Variants in SHANK2 observed in about 807,000 individuals in gnomAD.
SHANK2 encodes SH3 and multiple ankyrin repeat domains protein 2.
In SHANK2, 43 loss-of-function variants were observed where a neutral mutation model predicts 133.7. The ratio of observed to expected loss-of-function variants is 0.32; its 90% CI spans 0.25 to 0.41. The LOEUF (loss-of-function observed/expected upper bound fraction) is 0.41. Among genes scored for constraint, SHANK2 ranks in the 10% least tolerant of loss-of-function variants. The pLI, the probability that SHANK2 is intolerant of heterozygous loss-of-function variation, is 1.00. For synonymous variants in SHANK2, 1,017 were observed against 952.8 expected (o/e 1.07, Z -1.24); for missense variants, 1,994 against 2,235.8 (o/e 0.89, Z 2.18).
At chr11:71,196,669 G>A (rs1043719248) in intron 2 of SHANK2, among the ~76,000 whole-genome samples, 4 of 151,776 alleles carry the variant, frequency 2.6e-5, no homozygotes, top group Non-Finnish European at 5.9e-5. Context: ...ACAAACCAGG[G>A]GTCTCCCTGC....
At chr11:71,112,158 C>G (rs150926822) in intron 5 of SHANK2, among the ~76,000 whole-genome samples, 1,624 of 152,298 alleles carry the variant, frequency 0.011, 30 homozygotes, top group African/African-American at 0.037. Flanking sequence ...CTTTGGGAGG[C>G]CGAGGCGGAT....
intron 14 of SHANK2, among the ~76,000 whole-genome samples, chr11:70,701,056 G>C (rs1945507044): frequency 6.6e-6 from 1 of 152,206 alleles, no homozygotes; most frequent in South Asian, 2.1e-4. Flanking sequence ...TGGCTGTCTA[G>C]GGAACTGCTG....
chr11:70,560,774 G>A (rs1554980676), intron 17 of SHANK2, among the ~76,000 whole-genome samples: 2 of 151,972 alleles, frequency 1.3e-5, no homozygotes, highest in Admixed American at 1.3e-4. Context: ...TGGGATTACA[G>A]GCACCCACCA....
chr11:70,675,642 G>A (rs1280641174), intron 15 of SHANK2, among the ~76,000 whole-genome samples: 2 of 152,232 alleles, frequency 1.3e-5, no homozygotes, highest in African/African-American at 4.8e-5. Flanking sequence ...AGAAAGAACT[G>A]GAGAAGGAAT....
intron 6 of SHANK2, among the ~76,000 whole-genome samples, chr11:71,098,187 G>A (rs1323020388): frequency 6.8e-6 from 1 of 146,634 alleles, no homozygotes; most frequent in East Asian, 2.0e-4. Flanking sequence ...GCATGCCTGT[G>A]TGTATGTGTA....
At chr11:70,737,316 C>T (rs146164707) in intron 14 of SHANK2, among the ~76,000 whole-genome samples, 147 of 152,326 alleles carry the variant, frequency 9.7e-4, no homozygotes, top group South Asian at 2.1e-3. Flanking sequence ...GCCTGATCTG[C>T]CTGCCAGCTT....
At chr11:71,071,424 C>G (rs1433538777) in intron 9 of SHANK2, among the ~76,000 whole-genome samples, 6 of 152,210 alleles carry the variant, frequency 3.9e-5, no homozygotes, top group African/African-American at 1.4e-4. Context: ...TGAAAGATGG[C>G]GGCTTATGCC....
At chr11:70,852,105 C>T (rs1190221753) in intron 11 of SHANK2, among the ~76,000 whole-genome samples, 5 of 152,186 alleles carry the variant, frequency 3.3e-5, no homozygotes, top group Admixed American at 6.5e-5. Flanking sequence ...CCCTGGCCGC[C>T]GGGGAGGAGC....
At chr11:70,689,801 A>G (rs1184287815) in intron 15 of SHANK2, among the ~76,000 whole-genome samples, 1 of 152,228 alleles carries the variant, frequency 6.6e-6, no homozygotes, top group Non-Finnish European at 1.5e-5. Flanking sequence ...AATCCGAGAG[A>G]ACTGAAAAGA....
intron 17 of SHANK2, among the ~76,000 whole-genome samples, chr11:70,657,889 C>A (rs2061422929): frequency 6.6e-6 from 1 of 152,134 alleles, no homozygotes; most frequent in Non-Finnish European, 1.5e-5. Flanking sequence ...CTTCTCAGCC[C>A]CACCCAGGTG....
intron 14 of SHANK2, among the ~76,000 whole-genome samples, chr11:70,745,802 A>G (rs943279714): frequency 6.6e-6 from 1 of 152,304 alleles, no homozygotes; most frequent in East Asian, 1.9e-4. Flanking sequence ...CTTGGTGGGA[A>G]ACGCATTGCT....
At chr11:70,917,824 G>A (rs1426505423) in intron 10 of SHANK2, among the ~76,000 whole-genome samples, 1 of 152,156 alleles carries the variant, frequency 6.6e-6, no homozygotes, top group Non-Finnish European at 1.5e-5. Flanking sequence ...TGGACACATA[G>A]AGAAAAACAA....
chr11:71,218,901 C>T (rs2135720564), intron 2 of SHANK2, among the ~76,000 whole-genome samples: 2 of 152,276 alleles, frequency 1.3e-5, no homozygotes, highest in East Asian at 1.9e-4. Flanking sequence ...CTTCTGCAGC[C>T]CCCAGCAGGA....
intron 14 of SHANK2, among the ~76,000 whole-genome samples, chr11:70,764,528 C>T (rs959217220): frequency 6.8e-6 from 1 of 146,368 alleles, no homozygotes; most frequent in East Asian, 2.3e-4. Flanking sequence ...TATCCATTCA[C>T]CCACCCATCC....
intron 11 of SHANK2, among the ~76,000 whole-genome samples, chr11:70,847,151 C>T (rs1194341442): frequency 6.6e-6 from 1 of 152,204 alleles, no homozygotes; most frequent in African/African-American, 2.4e-5. Flanking sequence ...CTGCGACCCA[C>T]ACCCCAGTAC....
chr11:70,567,219 C>T (rs2059978980), intron 17 of SHANK2, among the ~76,000 whole-genome samples: 1 of 152,174 alleles, frequency 6.6e-6, no homozygotes, highest in Non-Finnish European at 1.5e-5. Flanking sequence ...GAAGACCTAA[C>T]CTCCGGTACT....
At chr11:70,645,111 T>G (rs1332641166) in intron 17 of SHANK2, among the ~76,000 whole-genome samples, 1 of 152,154 alleles carries the variant, frequency 6.6e-6, no homozygotes, top group Non-Finnish European at 1.5e-5. Context: ...CTTAGGAGGC[T>G]GAGGCAGGAG....
At chr11:71,118,177 C>T (rs35746200) in intron 4 of SHANK2, among the ~76,000 whole-genome samples, 37 of 152,118 alleles carry the variant, frequency 2.4e-4, no homozygotes, top group Admixed American at 2.2e-3. Flanking sequence ...ATCAGACCCA[C>T]GGTTTATTAT....
chr11:70,468,535 T>G lies in SHANK2; in HGVS notation c.*4334A>C, dbSNP rs2058560554. 1 of 152,214 alleles carries G rather than the reference T, an allele frequency of 6.6e-6. No individual in the cohort carries two copies. Among genetic ancestry groups the G allele is most frequent in the Admixed American group, 6.5e-5 (1 of 15,280 alleles). 9.4% of individuals were successfully genotyped at this position (152,214 alleles called of 1,614,324 possible). A position where few individuals can be genotyped will look rare whatever the true frequency, so the allele number is the denominator to read the frequency against. On this transcript the variant is annotated 3_prime_UTR_variant, in exon 26 of 26. Coordinates refer to ENST00000601538, the MANE Select transcript of SHANK2 (RefSeq NM_012309.5). ...ACAGAAACACATTCCAGTTCGCCAGTTATTAAAATGCCTCCAATTTCAAGT... is the reference window on the plus strand; with the variant it reads ...ACAGAAACACATTCCAGTTCGCCAGGTATTAAAATGCCTCCAATTTCAAGT...
Sources: gnomAD v4.1 joint callset for allele counts (sites outside exome capture counted in the v4.1 genomes callset) on GRCh38, gnomAD v4.1.1 for gene constraint, MANE v1.5 for transcripts, NCBI Gene and HGNC (gene_info 2026-07-23, HGNC 2026-07-21) for gene names.